GLB1L3: variants seen among roughly 807,000 people sequenced by gnomAD.
GLB1L3 encodes the protein galactosidase beta 1 like 3.
Under a neutral mutation model 89.5 loss-of-function variants are expected in GLB1L3, and 89 were observed. The ratio of observed to expected loss-of-function variants is 0.99; its 90% CI spans 0.84 to 1.19. The LOEUF is 1.19. Ranked by LOEUF, GLB1L3 falls within the 50% of genes most tolerant of loss-of-function variation. GLB1L3 has a pLI of 0.00. For synonymous variants in GLB1L3, 314 were observed against 312.3 expected (o/e 1.01, Z -0.06); for missense variants, 812 against 813.3 (o/e 1.00, Z 0.02).
intron 6 of GLB1L3, among the ~76,000 whole-genome samples, chr11:134,286,123 G>T (rs1432506478): frequency 6.6e-6 from 1 of 152,038 alleles, no homozygotes; most frequent in Non-Finnish European, 1.5e-5. Flanking sequence ...TGCCCAGGCT[G>T]ATCTCAAACT....
Position 134,307,106 on chromosome 11 carries a change from G to T in GLB1L3, c.877-18G>T, listed in dbSNP as rs1292463186. On this transcript the variant is annotated intron_variant, in intron 9 of 19. Coordinates refer to ENST00000431683, the MANE Select transcript of GLB1L3 (RefSeq NM_001080407.3). Reference sequence around the variant, plus strand: ...TTGTTTTTTGCCAGACTTAGTATTTGCTTTGGTTTGTTTTTAGAGAGATAA... The same window carrying T: ...TTGTTTTTTGCCAGACTTAGTATTTTCTTTGGTTTGTTTTTAGAGAGATAA... The T allele has an allele frequency of 6.2e-7, 1 of 1,600,810 alleles. No individual in the cohort carries two copies. The highest frequency in any genetic ancestry group is 1.7e-5 in the Admixed American group (1 of 59,100).
intron 8 of GLB1L3, 51 bp downstream of exon 8, chr11:134,292,264 T>G: frequency 7.2e-7 from 1 of 1,387,772 alleles, no homozygotes; most frequent in Non-Finnish European, 1.0e-6. Context: ...AGCCAGCCCG[T>G]GTAAATCTTG....
chr11:134,301,953 A>C (rs1054159506), intron 9 of GLB1L3, among the ~76,000 whole-genome samples: 7 of 151,734 alleles, frequency 4.6e-5, no homozygotes, highest in Admixed American at 4.6e-4. Context: ...AACTTTTGTA[A>C]ATTGTTTTCT....
At chr11:134,309,793 A>G (rs1942632631) in intron 11 of GLB1L3, 30 bp downstream of exon 11, 3 of 1,609,104 alleles carry the variant, frequency 1.9e-6, no homozygotes, top group Non-Finnish European at 2.5e-6. Flanking sequence ...TAGCCTCTCC[A>G]GCATGGGCGG....
Position 134,313,455 on chromosome 11 carries a change from A to G in GLB1L3, c.1560A>G (p.Gln520=), listed in dbSNP as rs746870947. ...ENQGRVNFSW[Q]IQNEQKGITG... is the part of the protein sequence containing the mutation. ...AAGGACGAGTCAATTTTTCATGGCAAATACAGAATGAGCAGAAAGGTGGGC... is the reference window on the plus strand; with the variant it reads ...AAGGACGAGTCAATTTTTCATGGCAGATACAGAATGAGCAGAAAGGTGGGC... Residue 520 remains glutamine (Q), a synonymous_variant, in exon 16 of 20, where the codon CAA becomes CAG. Coordinates refer to ENST00000431683, the MANE Select transcript of GLB1L3 (RefSeq NM_001080407.3). 7 of 1,581,360 alleles carry G rather than the reference A, an allele frequency of 4.4e-6. No homozygotes were observed. In the Admixed American group the frequency reaches 1.1e-4, roughly 25 times the overall value.
chr11:134,276,617 G>A lies in GLB1L3; in HGVS notation c.-124G>A, dbSNP rs1565384018. The stretch of plus-strand genomic sequence containing the variant: ...ACGGATTTCTGCCTCGGCTGCAGGC[G>A]CAGCGCGCAGACCTGAGCCTGCCCC... On this transcript the variant is annotated 5_prime_UTR_variant, in exon 1 of 20. Transcript: ENST00000431683. 2.2e-5 allele frequency: 19 copies of A among 881,218 alleles called. No individual in the cohort carries two copies. Among genetic ancestry groups the A allele is most frequent in the Admixed American group, 4.4e-5 (1 of 22,786 alleles). The allele number at this position is 881,218 out of a possible 1,614,324, so 54.6% of individuals were successfully genotyped here.
chr11:134,288,847 G>T lies in GLB1L3; in HGVS notation c.686G>T (p.Gly229Val). Residue 229 changes from glycine (G) to valine (V), a missense_variant, in exon 7 of 20, where the codon GGC becomes GTC. Gly to Val is a moderately radical substitution (Grantham distance 109, BLOSUM62 -3). This residue lies in a region of GLB1L3 where 618 missense variants were observed against 604.0 expected (regional missense o/e 1.02). Transcript: ENST00000431683. ...VIAVQVENEY[G>V]SFNKDKTYMP... ...GCGGTGCAAGTGGAGAATGAGTATG[G>T]CTCATTCAATAAGGATAAAACATAC... 1 of 1,613,338 alleles carries T rather than the reference G, an allele frequency of 6.2e-7. No individual in the cohort carries two copies. Among genetic ancestry groups the T allele is most frequent in the South Asian group, 1.1e-5 (1 of 90,990 alleles).
chr11:134,303,280 AT>A (rs556920144), intron 9 of GLB1L3, among the ~76,000 whole-genome samples: 71 of 152,280 alleles, frequency 4.7e-4, no homozygotes, highest in South Asian at 3.7e-3. Flanking sequence ...TTAGTTGAAT[AT>A]TTTTATTTTA....
intron 7 of GLB1L3, among the ~76,000 whole-genome samples, chr11:134,289,829 C>T (rs1447019934): frequency 6.6e-6 from 1 of 152,208 alleles, no homozygotes; most frequent in Non-Finnish European, 1.5e-5. Flanking sequence ...CCTGCTGGCC[C>T]CTGACTTCCC....
At chr11:134,280,996 A>T (rs1356535491) in intron 3 of GLB1L3, among the ~76,000 whole-genome samples, 1 of 152,018 alleles carries the variant, frequency 6.6e-6, no homozygotes, top group Non-Finnish European at 1.5e-5. Context: ...CTTCACAGAA[A>T]CTCCTCATTT....
chr11:134,302,551 TG>T (rs1942000231), intron 9 of GLB1L3, among the ~76,000 whole-genome samples: 1 of 152,166 alleles, frequency 6.6e-6, no homozygotes, highest in African/African-American at 2.4e-5. Context: ...AAGATTTCTG[TG>T]GTTTTTCTTT....
chr11:134,290,661 C>T (rs577175198), intron 7 of GLB1L3, among the ~76,000 whole-genome samples: 14 of 150,830 alleles, frequency 9.3e-5, no homozygotes, highest in African/African-American at 3.2e-4. Flanking sequence ...ACTCGATAAG[C>T]ACAGGAGACG....
intron 18 of GLB1L3, among the ~76,000 whole-genome samples, chr11:134,315,397 T>C (rs1942936493): frequency 6.6e-6 from 1 of 152,228 alleles, no homozygotes; most frequent in African/African-American, 2.4e-5. Flanking sequence ...AAGACAAGTA[T>C]CACTTCTTAA....
At chr11:134,299,597 C>G (rs1941834689) in intron 9 of GLB1L3, among the ~76,000 whole-genome samples, 1 of 152,186 alleles carries the variant, frequency 6.6e-6, no homozygotes, top group Non-Finnish European at 1.5e-5. Flanking sequence ...GTTGTTTTCT[C>G]TGTGTCTGCA....
Position 134,307,157 on chromosome 11 carries a change from G to A in GLB1L3, c.910G>A (p.Val304Ile), listed in dbSNP as rs1417523051. Residue 304 changes from valine to isoleucine, a missense_variant, in exon 10 of 20, where the codon GTC becomes ATC. This residue lies in a region of GLB1L3 where 618 missense variants were observed against 604.0 expected (regional missense o/e 1.02). Coordinates refer to ENST00000431683, the MANE Select transcript of GLB1L3 (RefSeq NM_001080407.3). The part of the protein sequence containing the change: ...DKPLLIMEYW[V>I]GWFDRWGDKH... ...GCCCCTTCTGATTATGGAATACTGGGTCGGCTGGTTCGACAGATGGGGAGA... is the reference window on the plus strand; with the variant it reads ...GCCCCTTCTGATTATGGAATACTGGATCGGCTGGTTCGACAGATGGGGAGA... 6.2e-7 allele frequency: 1 copy of A among 1,613,614 alleles called. No homozygotes were observed. The highest frequency in any genetic ancestry group is 1.3e-5 in the African/African-American group (1 of 74,914).
At chr11:134,321,944 C>T (rs1943174274), downstream of GLB1L3, among the ~76,000 whole-genome samples, 1 of 151,690 alleles carries the variant, frequency 6.6e-6, no homozygotes, top group African/African-American at 2.4e-5. Flanking sequence ...AGTAGAAACA[C>T]ATATTAAGAC....
chr11:134,292,595 C>G (rs1172937593), intron 8 of GLB1L3: 1 of 216,198 alleles, frequency 4.6e-6, no homozygotes, highest in East Asian at 1.2e-4. Context: ...GGTGTTGTGT[C>G]AGGAACCCCG....
At chr11:134,296,185 G>T (rs1941627991) in intron 9 of GLB1L3, among the ~76,000 whole-genome samples, 1 of 150,140 alleles carries the variant, frequency 6.7e-6, no homozygotes, top group Non-Finnish European at 1.5e-5. Flanking sequence ...TAAAAAGTCA[G>T]GAAACAACAG....
intron 13 of GLB1L3, chr11:134,311,450 C>A: frequency 3.4e-6 from 1 of 290,944 alleles, no homozygotes; most frequent in Non-Finnish European, 6.4e-6. Context: ...CTGTGTGGTC[C>A]TTACGGAATC....
Sources: gnomAD v4.1 joint callset for allele counts (sites outside exome capture counted in the v4.1 genomes callset) on GRCh38, gnomAD v4.1.1 for gene constraint, gnomAD v4.1.1 regional missense constraint, MANE v1.5 for transcripts, NCBI Gene and HGNC (gene_info 2026-07-23, HGNC 2026-07-21) for gene names.